The following WDR19 variants were observed in gnomAD, a reference collection of about 807,000 sequenced individuals.
The protein encoded by WDR19 is WD repeat domain 19.
In WDR19, 121 loss-of-function variants were observed where a neutral mutation model predicts 180.0. That is an observed-to-expected ratio of 0.67 (90% CI 0.58 to 0.78). WDR19 has a LOEUF of 0.78. Ranked by LOEUF, WDR19 falls within the 30% of genes least tolerant of loss-of-function variation. The pLI is 0.00. For missense variants in WDR19, 1,450 were observed against 1,640.7 expected (o/e 0.88, Z 2.01); for synonymous variants, 497 against 540.7 (o/e 0.92, Z 1.12).
rs368189586 is a variant in WDR19, at chr4:39,220,659, G to A, written c.1479+2554G>A. The stretch of plus-strand genomic sequence containing the variant: ...CTAGTAGCTGGGATTACAGGTACCC[G>A]CCACCACACTCAGCTAATTTTTGTA... On this transcript the variant is annotated intron_variant, in intron 14 of 36. Transcript: ENST00000399820. 1.3e-4 allele frequency among the ~76,000 whole-genome samples: 16 copies of A among 121,344 alleles called. No individual in the cohort carries two copies. In the East Asian group the frequency reaches 3.2e-3, roughly 24 times the overall value. 79.6% of individuals were successfully genotyped at this position (121,344 alleles called of 152,430 possible).
chr4:39,240,955 CA>C (rs34831969), intron 21 of WDR19, among the ~76,000 whole-genome samples: 192 of 115,672 alleles, frequency 1.7e-3, no homozygotes, highest in African/African-American at 2.5e-3. Context: ...GACTCCATCT[CA>C]AAAAAAAAAA....
chr4:39,263,508 C>T (rs1409901213), intron 28 of WDR19, among the ~76,000 whole-genome samples: 2 of 152,140 alleles, frequency 1.3e-5, no homozygotes, highest in African/African-American at 4.8e-5. Flanking sequence ...CGCACCCTGC[C>T]GTGAGTTGCC....
At chr4:39,203,505 A>G (rs1727592000) in intron 6 of WDR19, 137 bp from the exon 7 acceptor site, 2 of 659,268 alleles carry the variant, frequency 3.0e-6, no homozygotes, top group South Asian at 3.9e-5. Flanking sequence ...GAATTTCTAG[A>G]TATTTGTGAC....
chr4:39,230,395 T>C (rs974017327), intron 17 of WDR19, among the ~76,000 whole-genome samples: 83 of 152,170 alleles, frequency 5.5e-4, no homozygotes, highest in African/African-American at 1.9e-3. Context: ...GCTTGGGGTC[T>C]TTCTGATGTG....
At chr4:39,191,424 A>C (rs1474084726) in intron 4 of WDR19, among the ~76,000 whole-genome samples, 1 of 152,228 alleles carries the variant, frequency 6.6e-6, no homozygotes, top group Non-Finnish European at 1.5e-5. Flanking sequence ...TGAGCACTTC[A>C]AACACCTGAA....
At chr4:39,226,376 A>G (rs966647011) in intron 15 of WDR19, among the ~76,000 whole-genome samples, 5 of 152,236 alleles carry the variant, frequency 3.3e-5, no homozygotes, top group Non-Finnish European at 5.9e-5. Flanking sequence ...AGACAGTTCT[A>G]GTACCTACTT....
intron 3 of WDR19, among the ~76,000 whole-genome samples, chr4:39,187,224 T>C (rs933937781): frequency 3.9e-5 from 6 of 152,072 alleles, no homozygotes; most frequent in Middle Eastern, 3.4e-3. Context: ...ATGGAGACCA[T>C]CCTGGCTAAC....
intron 5 of WDR19, among the ~76,000 whole-genome samples, chr4:39,198,296 C>A (rs1383126604): frequency 2.0e-5 from 3 of 152,138 alleles, no homozygotes; most frequent in Admixed American, 2.0e-4. Flanking sequence ...TGGTGGCTCA[C>A]GCCTGTAATC....
At chr4:39,231,315 C>CAA (rs56002679) in intron 17 of WDR19, among the ~76,000 whole-genome samples, 66 of 86,808 alleles carry the variant, frequency 7.6e-4, no homozygotes, top group African/African-American at 1.3e-3. Context: ...ACTCCGTCTT[C>CAA]AAAAAAAAAA....
chr4:39,186,532 C>G lies in WDR19; in HGVS notation c.99-7C>G. On this transcript the variant is annotated splice_polypyrimidine_tract_variant and splice_region_variant and intron_variant, in intron 2 of 36. Transcript: ENST00000399820. ...AAATCATATCTTTATGTTCTGATTGCTTTCAGAGCTGATTATATTGTGAAA... is the reference window on the plus strand; with the variant it reads ...AAATCATATCTTTATGTTCTGATTGGTTTCAGAGCTGATTATATTGTGAAA... 1 of 1,154,068 alleles carries G rather than the reference C, an allele frequency of 8.7e-7. No individual in the cohort carries two copies. Among genetic ancestry groups the G allele is most frequent in the Middle Eastern group, 2.5e-4 (1 of 4,068 alleles). The allele number at this position is 1,154,068 out of a possible 1,614,324, so 71.5% of individuals were successfully genotyped here. A position where few individuals can be genotyped will look rare whatever the true frequency, so the allele number is the denominator to read the frequency against.
At chr4:39,231,523 A>G (rs927575867) in intron 17 of WDR19, among the ~76,000 whole-genome samples, 2 of 152,224 alleles carry the variant, frequency 1.3e-5, no homozygotes, top group Non-Finnish European at 2.9e-5. Context: ...TGTGAAATAA[A>G]AAGAAATAAA....
chr4:39,242,192 T>G (rs1473857172), intron 21 of WDR19, among the ~76,000 whole-genome samples: 2 of 152,080 alleles, frequency 1.3e-5, no homozygotes, highest in Non-Finnish European at 2.9e-5. Flanking sequence ...AGCCTCCTTA[T>G]TAGCTGGGAC....
At chr4:39,215,747 G>A in intron 10 of WDR19, 94 bp from the exon 11 acceptor site, 1 of 1,270,980 alleles carries the variant, frequency 7.9e-7, no homozygotes, top group South Asian at 1.8e-5. Context: ...TTTGAAAATT[G>A]TTATGTCTCT....
intron 9 of WDR19, among the ~76,000 whole-genome samples, chr4:39,207,985 T>C (rs1353439227): frequency 6.6e-6 from 1 of 152,122 alleles, no homozygotes; most frequent in Non-Finnish European, 1.5e-5. Context: ...GTAAAAGTTT[T>C]TGTATGCGAT....
intron 9 of WDR19, among the ~76,000 whole-genome samples, chr4:39,213,149 G>A (rs28894698): frequency 0.046 from 7,010 of 152,204 alleles, 532 homozygotes; most frequent in African/African-American, 0.16. Context: ...ATGCATCATG[G>A]TACAGCTACT....
chr4:39,242,745 G>A (rs1217860723), intron 21 of WDR19, among the ~76,000 whole-genome samples: 1 of 152,166 alleles, frequency 6.6e-6, no homozygotes, highest in East Asian at 1.9e-4. Context: ...CTGGCTCACT[G>A]CAACCTTTAC....
intron 24 of WDR19, among the ~76,000 whole-genome samples, chr4:39,250,184 A>G (rs969621912): frequency 6.6e-6 from 1 of 151,252 alleles, no homozygotes; most frequent in African/African-American, 2.4e-5. Context: ...CATCCCTGGG[A>G]TGCAAGGCTG....
chr4:39,191,833 A>G (rs1048120770), intron 4 of WDR19, among the ~76,000 whole-genome samples: 2 of 152,206 alleles, frequency 1.3e-5, no homozygotes, highest in African/African-American at 4.8e-5. Flanking sequence ...CCTTATACAT[A>G]GGTTGCAATT....
At position 39,257,537 on chromosome 4, in the gene WDR19, G is replaced by C. The variant is rs1384721795; in HGVS notation, c.3166G>C (p.Glu1056Gln). The C allele has an allele frequency of 3.8e-6, 6 of 1,588,796 alleles. No homozygotes were observed. Among genetic ancestry groups the C allele is most frequent in the Non-Finnish European group, 5.1e-6 (6 of 1,166,576 alleles). ...AAGCTCGGAAGATAATGTGGCAATA[G>C]AAATGGCAATTGAAACTGTAAGTAC... Reference protein sequence around the residue: ...CPSSEDNVAIEMAIETVGQAK... With the variant: ...CPSSEDNVAIQMAIETVGQAK... Residue 1056 changes from glutamate to glutamine, a missense_variant, in exon 28 of 37, where the codon GAA (glutamate) becomes CAA (glutamine). Physicochemically the swap from Glu to Gln is conservative, Grantham distance 29 (BLOSUM62 2). Coordinates refer to ENST00000399820, the MANE Select transcript of WDR19 (RefSeq NM_025132.4).
Sources: allele counts gnomAD v4.1 joint callset (sites outside exome capture counted in the v4.1 genomes callset), GRCh38; gene constraint gnomAD v4.1.1; transcripts MANE v1.5; gene names NCBI Gene and HGNC (gene_info 2026-07-23, HGNC 2026-07-21).